The following TRAPPC8 variants were observed in gnomAD, a reference collection of about 807,000 sequenced individuals.
The protein encoded by TRAPPC8 is trafficking protein particle complex subunit 8.
Under a neutral mutation model 174.3 loss-of-function variants are expected in TRAPPC8, and 54 were observed. The observed-to-expected ratio is 0.31, with a 90% CI of 0.25 to 0.39. The LOEUF (loss-of-function observed/expected upper bound fraction) is 0.39, where lower values mean the gene tolerates loss of function less well. Ranked by LOEUF, TRAPPC8 falls within the 10% of genes least tolerant of loss-of-function variation. The pLI, the probability that TRAPPC8 is intolerant of heterozygous loss-of-function variation, is 1.00. For missense variants in TRAPPC8, 1,531 were observed against 1,699.1 expected, an observed-to-expected ratio of 0.90 and a Z score of 1.74; for synonymous variants, 630 against 579.9, an observed-to-expected ratio of 1.09 and a Z score of -1.24.
At chr18:31,843,644 ACTCAGCATT>A (rs2033230287) in intron 26 of TRAPPC8, among the ~76,000 whole-genome samples, 2 of 152,300 alleles carry the variant, frequency 1.3e-5, no homozygotes, top group South Asian at 4.1e-4. Flanking sequence ...GAATTTGGTA[ACTCAGCATT>A]CTTTATTCAT....
rs1430229302 is a variant in TRAPPC8, at chr18:31,861,046, G to GT, written c.2746-3065dup. Among the ~76,000 whole-genome samples, 5 of 152,302 alleles carry GT rather than the reference G, an allele frequency of 3.3e-5. No homozygotes were observed. In the East Asian group the frequency reaches 9.6e-4, roughly 29 times the overall value. ...ACATAAAGTGCAACTTATGGATGTA[G>GT]TTTAATGCATGAAACAAGATGAAAC... On this transcript the variant is annotated intron_variant, in intron 19 of 28. Coordinates refer to ENST00000283351, the MANE Select transcript of TRAPPC8 (RefSeq NM_014939.5).
intron 2 of TRAPPC8, among the ~76,000 whole-genome samples, chr18:31,922,271 G>C (rs1301419210): frequency 1.3e-5 from 2 of 152,164 alleles, no homozygotes; most frequent in African/African-American, 2.4e-5. Context: ...CTCTTAAATT[G>C]CAATAACTTT....
chr18:31,917,586 T>C lies in TRAPPC8; in HGVS notation c.434A>G (p.Tyr145Cys). The stretch of plus-strand genomic sequence containing the variant: ...TAAATGTCAAAGGATACATGCTAAA[T>C]AGTGGTTCAGAAATTCATGATCCAA... ...PALDHEFLNH[Y>C]LACMLVASSS... The change falls in exon 3 of 29, where the codon TAT becomes TGT. Residue 145 changes from tyrosine to cysteine, a missense_variant. Tyr to Cys is a radical substitution (Grantham distance 194, BLOSUM62 -2). Coordinates refer to ENST00000283351, the MANE Select transcript of TRAPPC8 (RefSeq NM_014939.5). 1.2e-6 allele frequency: 2 copies of C among 1,611,832 alleles called. No homozygotes were observed. The highest frequency in any genetic ancestry group is 1.7e-6 in the Non-Finnish European group (2 of 1,178,698).
chr18:31,925,609 T>C (rs989380993), intron 2 of TRAPPC8, among the ~76,000 whole-genome samples: 2 of 152,000 alleles, frequency 1.3e-5, no homozygotes, highest in Non-Finnish European at 2.9e-5. Context: ...TACAAGACAG[T>C]TTCTCAGGGC....
intron 24 of TRAPPC8, among the ~76,000 whole-genome samples, chr18:31,850,864 C>G (rs1251763856): frequency 6.6e-6 from 1 of 151,860 alleles, no homozygotes; most frequent in Non-Finnish European, 1.5e-5. Flanking sequence ...AATTACAATA[C>G]AAGAGTCCTG....
chr18:31,908,822 T>C lies in TRAPPC8; in HGVS notation c.1054A>G (p.Ile352Val), dbSNP rs762965127. The C allele has an allele frequency of 6.2e-6, 10 of 1,613,750 alleles. No individual in the cohort carries two copies. The South Asian group carries it at 1.1e-4, about 18-fold the overall frequency. The change falls in exon 7 of 29, where the codon ATA becomes GTA. Residue 352 changes from isoleucine to valine, a missense_variant. Transcript: ENST00000283351. ...LTDHDRIRQF[I>V]QEFTFRGLLP... ...AGGCCCCGAAATGTGAACTCTTGTA[T>C]AAACTGTCGAATTCTATCATGATCA...
chr18:31,867,146 T>C (rs2034626506), intron 17 of TRAPPC8, among the ~76,000 whole-genome samples, 171 bp from the exon 18 acceptor site: 1 of 152,186 alleles, frequency 6.6e-6, no homozygotes, highest in African/African-American at 2.4e-5. Flanking sequence ...TTAACAATTA[T>C]AGGCCTAAAC....
chr18:31,917,686 A>G lies in TRAPPC8; in HGVS notation c.353-19T>C, dbSNP rs1390985805. The G allele has an allele frequency of 1.3e-5, 21 of 1,593,054 alleles. No homozygotes were observed. The highest frequency in any genetic ancestry group is 1.5e-5 in the Non-Finnish European group (18 of 1,163,438). ...GTAGTGGCTAAAATTAACAATATAC[A>G]AAACAGTTAAAAGTATTCAATAGAA... On this transcript the variant is annotated intron_variant, in intron 2 of 28. Coordinates refer to ENST00000283351, the MANE Select transcript of TRAPPC8 (RefSeq NM_014939.5).
chr18:31,846,071 A>C (rs566106353), intron 26 of TRAPPC8, among the ~76,000 whole-genome samples: 21 of 152,004 alleles, frequency 1.4e-4, no homozygotes, highest in African/African-American at 5.1e-4. Flanking sequence ...AAATATAGAG[A>C]TATAGTTTCT....
At chr18:31,921,500 C>T (rs557285509) in intron 2 of TRAPPC8, among the ~76,000 whole-genome samples, 56 of 151,884 alleles carry the variant, frequency 3.7e-4, no homozygotes, top group African/African-American at 1.2e-3. Context: ...GCCTGTAATC[C>T]CAGCTACTCG....
chr18:31,880,985 A>C (rs1358074057), intron 12 of TRAPPC8, among the ~76,000 whole-genome samples: 2 of 152,098 alleles, frequency 1.3e-5, no homozygotes, highest in Non-Finnish European at 2.9e-5. Context: ...TGATAAAAGA[A>C]AGTACAGACA....
At chr18:31,837,374 ACAG>A (rs1188605350) in intron 27 of TRAPPC8, among the ~76,000 whole-genome samples, 1 of 152,160 alleles carries the variant, frequency 6.6e-6, no homozygotes, top group Non-Finnish European at 1.5e-5. Context: ...TAGAATATTC[ACAG>A]CAGAATTCAA....
At chr18:31,917,450 T>C (rs980735803) in intron 3 of TRAPPC8, 128 bp downstream of exon 3, 7 of 783,430 alleles carry the variant, frequency 8.9e-6, no homozygotes, top group African/African-American at 8.8e-5. Context: ...ACTCCGTGTA[T>C]TGTCAATCTA....
chr18:31,879,479 T>C (rs1281247858), intron 12 of TRAPPC8, among the ~76,000 whole-genome samples: 2 of 152,034 alleles, frequency 1.3e-5, no homozygotes, highest in Admixed American at 1.3e-4. Context: ...GCAAAAGCAG[T>C]GTTAAGAGGA....
intron 12 of TRAPPC8, among the ~76,000 whole-genome samples, chr18:31,877,731 C>A (rs890803367): frequency 1.3e-5 from 2 of 151,750 alleles, no homozygotes; most frequent in Non-Finnish European, 2.9e-5. Context: ...TGAAACCAGC[C>A]TGACCAACAT....
chr18:31,885,586 C>T (rs1021655749), intron 12 of TRAPPC8, among the ~76,000 whole-genome samples: 2 of 152,024 alleles, frequency 1.3e-5, no homozygotes, highest in South Asian at 2.1e-4. Context: ...GGGCCGGGCA[C>T]GGTGGCTCAC....
At chr18:31,865,149 G>C (rs2034526076) in intron 18 of TRAPPC8, among the ~76,000 whole-genome samples, 1 of 151,908 alleles carries the variant, frequency 6.6e-6, no homozygotes, top group African/African-American at 2.4e-5. Flanking sequence ...TATTCACAAA[G>C]AAAAGAAGTG....
intron 12 of TRAPPC8, among the ~76,000 whole-genome samples, chr18:31,886,098 C>A (rs1219404958): frequency 2.7e-5 from 4 of 150,894 alleles, no homozygotes; most frequent in Non-Finnish European, 5.9e-5. Context: ...CTCCACCTCC[C>A]GGGTTCAAGC....
chr18:31,835,546 A>G (rs935752656), intron 27 of TRAPPC8, among the ~76,000 whole-genome samples: 5 of 152,162 alleles, frequency 3.3e-5, no homozygotes, highest in Non-Finnish European at 7.3e-5. Context: ...ACATTAGACA[A>G]CTATCCCTAA....
Sources: gnomAD v4.1 joint callset for allele counts (sites outside exome capture counted in the v4.1 genomes callset) on GRCh38, gnomAD v4.1.1 for gene constraint, MANE v1.5 for transcripts, NCBI Gene and HGNC (gene_info 2026-07-23, HGNC 2026-07-21) for gene names.